The following DHX32 variants were observed in gnomAD, a reference collection of about 807,000 sequenced individuals.
DHX32 encodes putative pre-mRNA-splicing factor ATP-dependent RNA helicase DHX32.
A neutral mutation model predicts 70.0 loss-of-function variants in DHX32; 51 were observed. That is an observed-to-expected ratio of 0.73 (90% CI 0.58 to 0.92). The LOEUF is 0.92. Among genes scored for constraint, DHX32 ranks in the 40% least tolerant of loss-of-function variants. The pLI is 0.00. For missense variants in DHX32, 762 were observed against 891.8 expected, an observed-to-expected ratio of 0.85 and a Z score of 1.85; for synonymous variants, 310 against 315.3, an observed-to-expected ratio of 0.98 and a Z score of 0.18.
At chr10:125,845,433 G>A (rs1247351698) in intron 6 of DHX32, among the ~76,000 whole-genome samples, 1 of 152,192 alleles carries the variant, frequency 6.6e-6, no homozygotes, top group African/African-American at 2.4e-5. Context: ...TTTCCTACAG[G>A]TAAAAGTTTT....
intron 6 of DHX32, among the ~76,000 whole-genome samples, chr10:125,847,862 G>A (rs993669679): frequency 1.3e-5 from 2 of 151,962 alleles, no homozygotes; most frequent in Admixed American, 6.6e-5. Context: ...AATAGGGTTC[G>A]AGCTCCTACG....
chr10:125,884,878 C>A (rs944169079), upstream of DHX32, among the ~76,000 whole-genome samples: 2 of 151,942 alleles, frequency 1.3e-5, no homozygotes, highest in Non-Finnish European at 2.9e-5. Flanking sequence ...TGGTAGATAT[C>A]TGGAAGTTCC....
At chr10:125,843,196 C>G (rs1371080404) in intron 6 of DHX32, among the ~76,000 whole-genome samples, 1 of 152,024 alleles carries the variant, frequency 6.6e-6, no homozygotes, top group African/African-American at 2.4e-5. Context: ...CCAGTAAGTG[C>G]AAGGTGGGCA....
At chr10:125,884,943 T>A (rs893457739), upstream of DHX32, among the ~76,000 whole-genome samples, 8 of 152,284 alleles carry the variant, frequency 5.3e-5, no homozygotes, top group Non-Finnish European at 7.4e-5. Flanking sequence ...AGGGCCTAAG[T>A]GGTCTCATCT....
intron 1 of DHX32, among the ~76,000 whole-genome samples, chr10:125,875,218 C>T (rs759051094): frequency 6.8e-6 from 1 of 146,350 alleles, no homozygotes; most frequent in Non-Finnish European, 1.5e-5. Context: ...AACACTGTCT[C>T]AAAAAAAAAA....
chr10:125,852,788 G>A, intron 4 of DHX32, 146 bp from the exon 5 acceptor site: 1 of 755,308 alleles, frequency 1.3e-6, no homozygotes, highest in Non-Finnish European at 2.1e-6. Flanking sequence ...ATTTATTATT[G>A]TTTCACTTGC....
At chr10:125,853,280 G>A (rs374738716) in intron 4 of DHX32, 2 of 1,319,812 alleles carry the variant, frequency 1.5e-6, no homozygotes, top group Non-Finnish European at 2.1e-6. Flanking sequence ...TAGTCTCCTG[G>A]AGGGATAAAA....
At chr10:125,885,017 C>T (rs1032923590), upstream of DHX32, among the ~76,000 whole-genome samples, 3 of 151,958 alleles carry the variant, frequency 2.0e-5, no homozygotes, top group South Asian at 2.1e-4. Flanking sequence ...TAGGATCCAT[C>T]GATCTAAACT....
intron 6 of DHX32, among the ~76,000 whole-genome samples, chr10:125,849,895 G>A (rs1270375561): frequency 6.6e-6 from 1 of 152,064 alleles, no homozygotes; most frequent in Admixed American, 6.6e-5. Context: ...ATTCCAGAAG[G>A]TCTTGATGAA....
At chr10:125,892,300 C>A (rs1303699211) in intron 1 of DHX32, among the ~76,000 whole-genome samples, 1 of 152,250 alleles carries the variant, frequency 6.6e-6, no homozygotes, top group African/African-American at 2.4e-5. Flanking sequence ...TGAGCTTCAG[C>A]AACATCTCCA....
chr10:125,886,111 C>T (rs1055735015), upstream of DHX32, among the ~76,000 whole-genome samples: 9 of 152,218 alleles, frequency 5.9e-5, no homozygotes, highest in Non-Finnish European at 1.3e-4. Flanking sequence ...CCCTGCTATT[C>T]CTCAAACACC....
intron 3 of DHX32, among the ~76,000 whole-genome samples, chr10:125,856,794 C>CA (rs780390974): frequency 6.6e-6 from 1 of 150,510 alleles, no homozygotes; most frequent in African/African-American, 2.5e-5. Flanking sequence ...AAAAAAAAAA[C>CA]AAAAAACAAA....
chr10:125,875,941 T>C (rs529495786), intron 1 of DHX32, among the ~76,000 whole-genome samples: 1 of 152,334 alleles, frequency 6.6e-6, no homozygotes, highest in East Asian at 1.9e-4. Context: ...GATGTAGGTG[T>C]AGTTAAATGA....
At position 125,867,088 on chromosome 10, in the gene DHX32, G is replaced by A. The variant is rs761159186; in HGVS notation, c.378C>T (p.Leu126=). 2.7e-5 allele frequency: 44 copies of A among 1,614,158 alleles called. No homozygotes were observed. In the Middle Eastern group the frequency reaches 8.3e-4, roughly 30 times the overall value. ...TQVHKQTVVQ[L]ALRVADEMDV... ...CCATTTCATCCGCCACCCGCAGGGCGAGCTGGACCACAGTCTGCTTGTGGA... is the reference window on the plus strand; with the variant it reads ...CCATTTCATCCGCCACCCGCAGGGCAAGCTGGACCACAGTCTGCTTGTGGA... The change falls in exon 2 of 11, where the codon CTC becomes CTT. Residue 126 remains leucine (L), a synonymous_variant. Transcript: ENST00000284690.
intron 1 of DHX32, among the ~76,000 whole-genome samples, chr10:125,887,729 T>C (rs2134079638): frequency 6.6e-6 from 1 of 152,230 alleles, no homozygotes; most frequent in South Asian, 2.1e-4. Flanking sequence ...CTGCCTTAGC[T>C]TTCCGAGTAG....
chr10:125,839,351 G>A (rs1237868078), intron 8 of DHX32, among the ~76,000 whole-genome samples, 163 bp from the exon 9 acceptor site: 2 of 152,256 alleles, frequency 1.3e-5, no homozygotes, highest in African/African-American at 4.8e-5. Flanking sequence ...ATTTCTGGTG[G>A]CTGCAAGGTC....
At chr10:125,872,343 A>G (rs1354208612) in intron 1 of DHX32, among the ~76,000 whole-genome samples, 3 of 152,332 alleles carry the variant, frequency 2.0e-5, no homozygotes, top group African/African-American at 7.2e-5. Flanking sequence ...AGTTGGCACT[A>G]TGGGAATTAG....
At chr10:125,840,502 C>T (rs748141869) in intron 8 of DHX32, among the ~76,000 whole-genome samples, 1 of 152,240 alleles carries the variant, frequency 6.6e-6, no homozygotes, top group Non-Finnish European at 1.5e-5. Context: ...ACAGTGGGCA[C>T]GTAGAGGTGG....
chr10:125,853,063 G>A, intron 4 of DHX32: 3 of 1,222,960 alleles, frequency 2.5e-6, no homozygotes, highest in Non-Finnish European at 3.5e-6. Flanking sequence ...CATACTGAGA[G>A]TTCCAATCAT....
Sources: gnomAD v4.1 joint callset for allele counts (sites outside exome capture counted in the v4.1 genomes callset) on GRCh38, gnomAD v4.1.1 for gene constraint, MANE v1.5 for transcripts, NCBI Gene and HGNC (gene_info 2026-07-23, HGNC 2026-07-21) for gene names.